NDST1: variants seen among roughly 807,000 people sequenced by gnomAD.
NDST1 encodes the protein bifunctional heparan sulfate N-deacetylase/N-sulfotransferase 1.
NDST1 carries 35 observed loss-of-function variants against 92.8 expected under a neutral mutation model. The ratio of observed to expected loss-of-function variants is 0.38; its 90% CI spans 0.29 to 0.50. NDST1 has a LOEUF of 0.50. Among genes scored for constraint, NDST1 ranks in the 20% least tolerant of loss-of-function variants. The probability of loss-of-function intolerance (pLI) is 0.94; values close to 1 mark genes in which losing one functional copy is unlikely to be tolerated. For synonymous variants in NDST1, 493 were observed against 500.3 expected (o/e 0.99, Z 0.19); for missense variants, 822 against 1,182.7 (o/e 0.69, Z 4.47).
Position 150,557,182 on chromosome 5 carries a change from G to C in NDST1, c.*3850G>C, listed in dbSNP as rs1755887476. ...AGGGGCCAGTTAGAGCAAGAGCTCT[G>C]GGGGGGCCGGAAAGTCTCCCTGGAG... On this transcript the variant is annotated 3_prime_UTR_variant, in exon 15 of 15. Transcript: ENST00000261797. The surrounding 1 kb of genome is among the most constrained non-coding windows in gnomAD (Gnocchi z 4.7). The C allele has an allele frequency of 6.6e-6, 1 of 152,622 alleles. No individual in the cohort carries two copies. The highest frequency in any genetic ancestry group is 1.9e-4 in the East Asian group (1 of 5,192). 9.5% of individuals were successfully genotyped at this position (152,622 alleles called of 1,614,324 possible). A position where few individuals can be genotyped will look rare whatever the true frequency, so the allele number is the denominator to read the frequency against.
upstream of NDST1, among the ~76,000 whole-genome samples, chr5:150,506,098 C>T (rs932109762): frequency 2.0e-5 from 3 of 152,144 alleles, no homozygotes; most frequent in Non-Finnish European, 4.4e-5. Context: ...TGTGTGCTTG[C>T]ACATTGTGGA....
intron 11 of NDST1, 73 bp from the exon 12 acceptor site, chr5:150,548,145 G>A: frequency 1.3e-6 from 2 of 1,588,328 alleles, no homozygotes; most frequent in Non-Finnish European, 1.7e-6. Context: ...CCACCTTGCG[G>A]GCTGCTGTCC....
Position 150,553,175 on chromosome 5 carries a change from G to A in NDST1, c.2530-38G>A. 4 of 1,605,322 alleles carry A rather than the reference G, an allele frequency of 2.5e-6. No homozygotes were observed. The highest frequency in any genetic ancestry group is 3.4e-6 in the Non-Finnish European group (4 of 1,174,188). Reference sequence around the variant, plus strand: ...GATTTTTAGAGGAGGTCACTCTTAAGTCAGTACACAAGGTCTGAGCTTTCC... The same window carrying A: ...GATTTTTAGAGGAGGTCACTCTTAAATCAGTACACAAGGTCTGAGCTTTCC... On this transcript the variant is annotated intron_variant, in intron 14 of 14. Coordinates refer to ENST00000261797, the MANE Select transcript of NDST1 (RefSeq NM_001543.5). This position sits in a 1 kb window ranked among gnomAD's most constrained non-coding sequence, Gnocchi z 4.2.
chr5:150,550,430 A>G, intron 13 of NDST1: 1 of 157,712 alleles, frequency 6.3e-6, no homozygotes, highest in Admixed American at 6.1e-5. Flanking sequence ...AGGAAACACA[A>G]ATGTTGTTGA....
At chr5:150,518,559 A>G (rs1754091069) in intron 1 of NDST1, among the ~76,000 whole-genome samples, 1 of 152,218 alleles carries the variant, frequency 6.6e-6, no homozygotes, top group Admixed American at 6.5e-5. Context: ...AAAATCACCC[A>G]GAGATAATCA....
upstream of NDST1, among the ~76,000 whole-genome samples, chr5:150,503,496 A>G (rs1194631076): frequency 1.3e-5 from 2 of 152,228 alleles, no homozygotes. Flanking sequence ...GCCCTGGCAT[A>G]TAGCACACCT....
intron 1 of NDST1, among the ~76,000 whole-genome samples, chr5:150,518,519 T>A (rs1209945308): frequency 1.3e-5 from 2 of 152,152 alleles, no homozygotes; most frequent in African/African-American, 4.8e-5. Context: ...CCCAGTCACC[T>A]CCTCATTTCA....
intron 3 of NDST1, among the ~76,000 whole-genome samples, chr5:150,529,598 T>C (rs566811388): frequency 2.0e-5 from 3 of 152,258 alleles, no homozygotes; most frequent in African/African-American, 2.4e-5. Flanking sequence ...CTAGTGTAAA[T>C]AGGAAATCCG....
At chr5:150,551,929 T>C in intron 14 of NDST1, 74 bp downstream of exon 14, 2 of 1,582,448 alleles carry the variant, frequency 1.3e-6, no homozygotes, top group Non-Finnish European at 1.7e-6. Flanking sequence ...AGGGGGATTC[T>C]CTTTCCTTTA....
intron 10 of NDST1, among the ~76,000 whole-genome samples, chr5:150,544,222 T>C (rs1458406494): frequency 6.6e-6 from 1 of 152,250 alleles, no homozygotes; most frequent in Admixed American, 6.5e-5. Context: ...CAGCGACACC[T>C]GGGGCAGCAC....
At chr5:150,511,614 C>G (rs2151253108) in intron 1 of NDST1, among the ~76,000 whole-genome samples, 1 of 152,190 alleles carries the variant, frequency 6.6e-6, no homozygotes, top group East Asian at 1.9e-4. Context: ...AGACTGTGCT[C>G]TCTGTGGCCC....
intron 2 of NDST1, among the ~76,000 whole-genome samples, chr5:150,522,052 A>G (rs1427552391): frequency 6.6e-6 from 1 of 152,228 alleles, no homozygotes; most frequent in Non-Finnish European, 1.5e-5. Context: ...GTGTGAAGTC[A>G]GAGGAGCATG....
At chr5:150,525,542 G>A (rs963092724) in intron 2 of NDST1, among the ~76,000 whole-genome samples, 2 of 152,186 alleles carry the variant, frequency 1.3e-5, no homozygotes, top group Non-Finnish European at 2.9e-5. Flanking sequence ...CTGAGGACTG[G>A]TCTGTGCGCT....
At chr5:150,538,476 A>G (rs928131188) in intron 6 of NDST1, among the ~76,000 whole-genome samples, 5 of 152,300 alleles carry the variant, frequency 3.3e-5, no homozygotes, top group East Asian at 1.9e-4. Context: ...CCAGGGCCCA[A>G]TGTTGGGATG....
chr5:150,535,351 A>T, intron 5 of NDST1: 1 of 985,402 alleles, frequency 1.0e-6, no homozygotes, highest in Non-Finnish European at 1.2e-6. Flanking sequence ...GTGGTCAATG[A>T]GGAGGGAACG....
Position 150,553,415 on chromosome 5 carries a change from G to T in NDST1, c.*83G>T. 1 of 1,559,788 alleles carries T rather than the reference G, an allele frequency of 6.4e-7. No homozygotes were observed. The highest frequency in any genetic ancestry group is 8.8e-7 in the Non-Finnish European group (1 of 1,138,452). ...CTGAGCCAGACCTGCAGAGTGGGAA[G>T]CTGGACCAGGGCAGCTGCGCACTTA... On this transcript the variant is annotated 3_prime_UTR_variant, in exon 15 of 15. Transcript: ENST00000261797. This position sits in a 1 kb window ranked among gnomAD's most constrained non-coding sequence, Gnocchi z 4.2.
intron 1 of NDST1, among the ~76,000 whole-genome samples, chr5:150,514,748 T>A (rs1319149897): frequency 6.6e-6 from 1 of 152,142 alleles, no homozygotes; most frequent in Non-Finnish European, 1.5e-5. Context: ...ATTTGGTGGT[T>A]TCCATGTGAC....
At chr5:150,523,748 G>T (rs141082314) in intron 2 of NDST1, among the ~76,000 whole-genome samples, 1 of 152,222 alleles carries the variant, frequency 6.6e-6, no homozygotes, top group Non-Finnish European at 1.5e-5. Context: ...GAGCTTGGGC[G>T]CTGTCTGGCC....
In NDST1 at chr5:150,520,892, G is replaced by C; in HGVS notation, c.-363G>C. ...GCCTTAGCCCCGTGGGCCCCACGGA[G>C]TGAGCGGCATGCAGCACCCCCGGGC... On this transcript the variant is annotated 5_prime_UTR_variant, in exon 2 of 15. Transcript: ENST00000261797. The C allele has an allele frequency of 2.1e-6, 1 of 480,934 alleles. No homozygotes were observed. The highest frequency in any genetic ancestry group is 3.6e-6 in the Non-Finnish European group (1 of 274,416). 29.8% of individuals were successfully genotyped at this position (480,934 alleles called of 1,614,324 possible).
Sources: gnomAD v4.1 joint callset for allele counts (sites outside exome capture counted in the v4.1 genomes callset) on GRCh38, gnomAD v4.1.1 for gene constraint, Gnocchi (gnomAD v3.1) non-coding constraint, MANE v1.5 for transcripts, NCBI Gene and HGNC (gene_info 2026-07-23, HGNC 2026-07-21) for gene names.